The following PIK3C3 variants were observed in gnomAD, a reference collection of about 807,000 sequenced individuals.
PIK3C3 encodes the protein PI3-kinase type 3.
Under a neutral mutation model 126.1 loss-of-function variants are expected in PIK3C3, and 95 were observed. The ratio of observed to expected loss-of-function variants is 0.75; its 90% CI spans 0.64 to 0.89. The LOEUF is 0.89. Ranked by LOEUF, PIK3C3 falls within the 40% of genes least tolerant of loss-of-function variation. PIK3C3 has a pLI of 0.00. For synonymous variants in PIK3C3, 374 were observed against 360.0 expected (o/e 1.04, Z -0.44); for missense variants, 829 against 1,063.2 (o/e 0.78, Z 3.06).
rs1335830923 is a variant in PIK3C3, at chr18:42,081,068, C to A, written c.2650-55C>A. On this transcript the variant is annotated intron_variant, in intron 24 of 24. Coordinates refer to ENST00000262039, the MANE Select transcript of PIK3C3 (RefSeq NM_002647.4). ...TTTAAAACTATAGACTATTGTTTAT[C>A]TTTGTGAATAATTAAGTAAATTATT... 5 of 1,033,356 alleles carry A rather than the reference C, an allele frequency of 4.8e-6. No individual in the cohort carries two copies. The African/African-American group carries it at 4.9e-5, about 10-fold the overall frequency. 64.0% of individuals were successfully genotyped at this position (1,033,356 alleles called of 1,614,324 possible). A position where few individuals can be genotyped will look rare whatever the true frequency, so the allele number is the denominator to read the frequency against.
At chr18:42,046,614 T>C (rs1407467132) in intron 20 of PIK3C3, among the ~76,000 whole-genome samples, 1 of 152,172 alleles carries the variant, frequency 6.6e-6, no homozygotes, top group East Asian at 1.9e-4. Flanking sequence ...GTTTCCATTG[T>C]TGTATAGTTA....
At chr18:42,049,274 T>A (rs1010203752) in intron 20 of PIK3C3, 2 of 306,022 alleles carry the variant, frequency 6.5e-6, no homozygotes, top group African/African-American at 4.4e-5. Flanking sequence ...TAATTTAAGG[T>A]CTCCTGAACC....
intron 12 of PIK3C3, among the ~76,000 whole-genome samples, chr18:42,015,851 C>T (rs1477955143): frequency 2.0e-5 from 3 of 152,106 alleles, no homozygotes; most frequent in Admixed American, 6.5e-5. Context: ...AGAATATTTA[C>T]TGTCAATGTG....
intron 4 of PIK3C3, among the ~76,000 whole-genome samples, chr18:41,983,687 TC>T (rs1981321081): frequency 6.6e-6 from 1 of 152,140 alleles, no homozygotes; most frequent in Admixed American, 6.6e-5. Flanking sequence ...AAATTTGTTT[TC>T]CCTGCTGGTC....
chr18:41,984,972 C>G (rs1351981439), intron 4 of PIK3C3: 1 of 152,100 alleles, frequency 6.6e-6, no homozygotes, highest in Non-Finnish European at 1.5e-5. Context: ...GTAAGAAGTC[C>G]AGCTATTCTG....
intron 22 of PIK3C3, among the ~76,000 whole-genome samples, chr18:42,063,375 T>G (rs1345657932): frequency 6.6e-6 from 1 of 152,208 alleles, no homozygotes; most frequent in Non-Finnish European, 1.5e-5. Flanking sequence ...AGTAAGTGTT[T>G]GTTGGTTGAA....
chr18:41,986,709 C>T (rs1224657406), intron 4 of PIK3C3, among the ~76,000 whole-genome samples: 2 of 151,980 alleles, frequency 1.3e-5, no homozygotes, highest in African/African-American at 4.8e-5. Context: ...AGAGCCACCA[C>T]GATATTTAGT....
At chr18:42,005,258 C>A (rs951490559) in intron 10 of PIK3C3, among the ~76,000 whole-genome samples, 2 of 152,126 alleles carry the variant, frequency 1.3e-5, no homozygotes, top group African/African-American at 4.8e-5. Context: ...GGTTACAAAC[C>A]TGTATAGCAT....
At position 42,085,130 on chromosome 18, in the gene PIK3C3, A is replaced by G. The variant is rs980178124; in HGVS notation, c.*3993A>G. 2.6e-5 allele frequency: 4 copies of G among 152,190 alleles called. No individual in the cohort carries two copies. Among genetic ancestry groups the G allele is most frequent in the African/African-American group, 7.2e-5 (3 of 41,448 alleles). The allele number at this position is 152,190 out of a possible 1,614,324, so 9.4% of individuals were successfully genotyped here. On this transcript the variant is annotated 3_prime_UTR_variant, in exon 25 of 25. Transcript: ENST00000262039. ...AAAACCTAACAAAAAGCACTTTTCT[A>G]TATAATGAGTGGTTTATATTAAGAA...
intron 22 of PIK3C3, among the ~76,000 whole-genome samples, chr18:42,062,961 T>C (rs1197025959): frequency 6.6e-6 from 1 of 152,140 alleles, no homozygotes; most frequent in African/African-American, 2.4e-5. Flanking sequence ...CTCCAAAATA[T>C]AGCCTGATAA....
At chr18:41,977,213 C>A (rs1980965303) in intron 4 of PIK3C3, among the ~76,000 whole-genome samples, 1 of 152,010 alleles carries the variant, frequency 6.6e-6, no homozygotes, top group Non-Finnish European at 1.5e-5. Flanking sequence ...TATATGGCTT[C>A]AGTTGTTACG....
At chr18:41,960,906 T>A (rs1217455532) in intron 2 of PIK3C3, among the ~76,000 whole-genome samples, 2 of 152,032 alleles carry the variant, frequency 1.3e-5, no homozygotes, top group East Asian at 1.9e-4. Context: ...CATGCCCGGC[T>A]GATTTTTGTA....
chr18:42,053,222 C>T (rs76680572), intron 21 of PIK3C3, among the ~76,000 whole-genome samples: 3,164 of 152,234 alleles, frequency 0.021, 48 homozygotes, highest in Middle Eastern at 0.058. Flanking sequence ...GAAAATGATT[C>T]GCTGCATATA....
intron 20 of PIK3C3, 75 bp from the exon 21 acceptor site, chr18:42,049,456 C>T: frequency 9.6e-7 from 1 of 1,045,948 alleles, no homozygotes. Context: ...GTTGCACAAA[C>T]TGCTTTTATA....
rs142620809 is a variant in PIK3C3, at chr18:42,068,776, C to T, written c.2649+1263C>T. Among the ~76,000 whole-genome samples, 1,456 of 152,028 alleles carry T rather than the reference C, an allele frequency of 9.6e-3. 16 individuals are homozygous for T. Among genetic ancestry groups the T allele is most frequent in the African/African-American group, 0.033 (1,386 of 41,464 alleles). On this transcript the variant is annotated intron_variant, in intron 24 of 24. Transcript: ENST00000262039. ...CCATCCTGACTAACACAGTGAAACC[C>T]TGTCTCTACTAAAAATACAAAAAAT...
chr18:42,069,828 C>T (rs1332784036), intron 24 of PIK3C3, among the ~76,000 whole-genome samples: 1 of 152,198 alleles, frequency 6.6e-6, no homozygotes, highest in Non-Finnish European at 1.5e-5. Context: ...AGTGCTGCTG[C>T]CTAACACTGA....
At chr18:42,080,737 A>G (rs909763556) in intron 24 of PIK3C3, among the ~76,000 whole-genome samples, 1 of 152,188 alleles carries the variant, frequency 6.6e-6, no homozygotes, top group Non-Finnish European at 1.5e-5. Flanking sequence ...ACAGGTTTTC[A>G]CAGCCTCTCA....
chr18:42,047,665 A>G lies in PIK3C3; in HGVS notation c.2189-1866A>G, dbSNP rs542515977. 1.8e-4 allele frequency among the ~76,000 whole-genome samples: 28 copies of G among 152,302 alleles called. No individual in the cohort carries two copies. The South Asian group carries it at 4.8e-3, about 26-fold the overall frequency. ...TTTCAGGTGATTCTTATGTTCATCAATACACTAGAGTTTAGAGAAGGCTTC... is the reference window on the plus strand; with the variant it reads ...TTTCAGGTGATTCTTATGTTCATCAGTACACTAGAGTTTAGAGAAGGCTTC... On this transcript the variant is annotated intron_variant, in intron 20 of 24. Coordinates refer to ENST00000262039, the MANE Select transcript of PIK3C3 (RefSeq NM_002647.4).
chr18:42,031,799 A>G (rs1983842177), intron 15 of PIK3C3, among the ~76,000 whole-genome samples: 1 of 152,144 alleles, frequency 6.6e-6, no homozygotes, highest in Non-Finnish European at 1.5e-5. Context: ...ATGATTTTTT[A>G]GGGGATATTA....
Sources: gnomAD v4.1 joint callset for allele counts (sites outside exome capture counted in the v4.1 genomes callset) on GRCh38, gnomAD v4.1.1 for gene constraint, MANE v1.5 for transcripts, NCBI Gene and HGNC (gene_info 2026-07-23, HGNC 2026-07-21) for gene names.